Variants in SNRPN observed in about 807,000 individuals in gnomAD.
SNRPN encodes the protein small nuclear ribonucleoprotein polypeptide N, also known as small nuclear ribonucleoprotein-associated protein N.
A neutral mutation model predicts 25.2 loss-of-function variants in SNRPN; 7 were observed. That is an observed-to-expected ratio of 0.28 (90% CI 0.16 to 0.52). SNRPN has a LOEUF of 0.52. Among genes scored for constraint, SNRPN ranks in the 20% least tolerant of loss-of-function variants. The pLI, the probability that SNRPN is intolerant of heterozygous loss-of-function variation, is 0.96. For missense variants in SNRPN, 196 were observed against 322.5 expected (o/e 0.61, Z 3.00); for synonymous variants, 124 against 110.6 (o/e 1.12, Z -0.76).
At chr15:24,970,356 G>T (rs2076244263) in intron 3 of SNRPN, among the ~76,000 whole-genome samples, 1 of 152,094 alleles carries the variant, frequency 6.6e-6, no homozygotes, top group Non-Finnish European at 1.5e-5. Flanking sequence ...GAGGCAGGTG[G>T]ATCACCTGAG....
intron 1 of SNRPN, among the ~76,000 whole-genome samples, chr15:24,960,563 C>T (rs1418790664): frequency 1.3e-5 from 2 of 152,102 alleles, no homozygotes; most frequent in Non-Finnish European, 2.9e-5. Context: ...CTCAAGTGAT[C>T]GCTGGCCTCA....
intron 1 of SNRPN, among the ~76,000 whole-genome samples, chr15:24,959,457 T>TA (rs1006561692): frequency 6.6e-6 from 1 of 152,186 alleles, no homozygotes; most frequent in South Asian, 2.1e-4. Flanking sequence ...TCTCTACATT[T>TA]AAAAAAAGGT....
rs140334063 is a variant in SNRPN at position 24,897,943 on chromosome 15, A to G, written c.-505+11354A>G. Among the ~76,000 whole-genome samples, 984 of 152,314 alleles carry G rather than the reference A, an allele frequency of 6.5e-3. 11 individuals carry two copies. The highest frequency in any genetic ancestry group is 0.022 in the African/African-American group (933 of 41,566). ...GAATCAACTAATACACCCTGTATTA[A>G]TGTATTAATACATGAATAAAAAAAG... On this transcript the variant is annotated intron_variant, in intron 2 of 11. Transcript: ENST00000400097.
rs1364783733 is a variant in SNRPN at position 24,862,282 on chromosome 15, G to A, written c.-579+5566G>A. Among the ~76,000 whole-genome samples the A allele has an allele frequency of 2.0e-5, 3 of 151,070 alleles. 1 individual carries two copies. The East Asian group carries it at 5.8e-4, about 29-fold the overall frequency. ...TTCCTAGGTCTGCAAGGACAAAACT[G>A]TCCAGAAGAACAGAAGAGGGACAGA... On this transcript the variant is annotated intron_variant, in intron 1 of 11. Coordinates refer to the SNRPN transcript ENST00000400097.
chr15:24,831,657 C>T (rs1282357963), intron 2 of SNRPN, among the ~76,000 whole-genome samples: 1 of 152,040 alleles, frequency 6.6e-6, no homozygotes, highest in African/African-American at 2.4e-5. Context: ...CCCTAGTACT[C>T]ACCATTCTAC....
chr15:24,958,548 C>G (rs999880071), intron 1 of SNRPN, among the ~76,000 whole-genome samples: 5 of 121,546 alleles, frequency 4.1e-5, no homozygotes, highest in African/African-American at 1.2e-4. Flanking sequence ...CCTATGTTGT[C>G]CAGGCTGAAC....
chr15:24,852,899 G>T (rs968643202), upstream of SNRPN, among the ~76,000 whole-genome samples: 1 of 152,030 alleles, frequency 6.6e-6, no homozygotes, highest in Non-Finnish European at 1.5e-5. Flanking sequence ...GTGCCATAGC[G>T]CTCCAACCTG....
intron 1 of SNRPN, among the ~76,000 whole-genome samples, chr15:24,877,352 T>C (rs1204027571): frequency 2.0e-5 from 3 of 152,110 alleles, no homozygotes; most frequent in African/African-American, 7.2e-5. Flanking sequence ...CTTTAGGGAA[T>C]GAAGAACCAT....
intron 1 of SNRPN, among the ~76,000 whole-genome samples, chr15:24,867,441 C>T (rs952350924): frequency 2.0e-5 from 3 of 149,964 alleles, no homozygotes; most frequent in Non-Finnish European, 4.4e-5. Context: ...GTGGTGTGAT[C>T]TCGGCTCACT....
chr15:24,849,202 A>T (rs183090050), intron 2 of SNRPN: 25 of 152,486 alleles, frequency 1.6e-4, no homozygotes, highest in African/African-American at 5.3e-4. Context: ...AAGTGCTGGG[A>T]TTACAGGCGT....
chr15:24,972,824 G>A (rs2153656892), intron 3 of SNRPN, among the ~76,000 whole-genome samples: 1 of 152,144 alleles, frequency 6.6e-6, no homozygotes, highest in South Asian at 2.1e-4. Context: ...ACAACAGACT[G>A]CATATGTCAG....
intron 2 of SNRPN, among the ~76,000 whole-genome samples, chr15:24,916,358 CAG>C (rs1245304077): frequency 3.3e-5 from 5 of 152,088 alleles, no homozygotes; most frequent in Admixed American, 3.3e-4. Context: ...GAGACAAAGA[CAG>C]AGACAGAAAG....
At chr15:24,920,429 T>C (rs2152533830) in intron 3 of SNRPN, 1 of 152,290 alleles carries the variant, frequency 6.6e-6, no homozygotes, top group Admixed American at 6.5e-5. Context: ...GGGGGCTTGT[T>C]AAACACAGCG....
chr15:24,825,497 A>G (rs2050020619), intron 1 of SNRPN, among the ~76,000 whole-genome samples: 1 of 152,154 alleles, frequency 6.6e-6, no homozygotes, highest in South Asian at 2.1e-4. Flanking sequence ...TTGAAATTAC[A>G]GATGGTCCTC....
chr15:24,933,376 T>C (rs975306874), intron 3 of SNRPN, among the ~76,000 whole-genome samples: 1 of 152,000 alleles, frequency 6.6e-6, no homozygotes, highest in Admixed American at 6.6e-5. Context: ...ACCTGATATC[T>C]ACAAGAGGAT....
chr15:24,848,264 G>GGGCGGGGGCGGGGGCGGT (rs2052424834), intron 2 of SNRPN: 1 of 97,806 alleles, frequency 1.0e-5, no homozygotes, highest in African/African-American at 3.0e-5. Flanking sequence ...GCGGGGGCGG[G>GGGCGGGGGCGGGGGCGGT]GGCGGGGGCA....
At chr15:24,860,263 T>C (rs999155671) in intron 1 of SNRPN, among the ~76,000 whole-genome samples, 1 of 152,218 alleles carries the variant, frequency 6.6e-6, no homozygotes, top group African/African-American at 2.4e-5. Context: ...TTTCATTCTT[T>C]TATTGTATTA....
chr15:24,930,031 C>CA (rs1481187553), intron 3 of SNRPN, among the ~76,000 whole-genome samples: 5 of 151,968 alleles, frequency 3.3e-5, no homozygotes, highest in African/African-American at 7.2e-5. Context: ...ACCAAAAATA[C>CA]AAAAAATTCT....
intron 3 of SNRPN, among the ~76,000 whole-genome samples, chr15:24,948,108 T>TATTTC (rs2061997290): frequency 6.6e-6 from 1 of 151,808 alleles, no homozygotes; most frequent in Non-Finnish European, 1.5e-5. Context: ...TTTTTTATTT[T>TATTTC]ATTTTATTTT....
Sources: allele counts gnomAD v4.1 joint callset (sites outside exome capture counted in the v4.1 genomes callset), GRCh38; gene constraint gnomAD v4.1.1; transcripts MANE v1.5; gene names NCBI Gene and HGNC (gene_info 2026-07-23, HGNC 2026-07-21).